Variants in VPS50 observed in about 807,000 individuals in gnomAD.
VPS50 encodes syndetin.
VPS50 carries 70 observed loss-of-function variants against 139.7 expected under a neutral mutation model. That is an observed-to-expected ratio of 0.50 (90% CI 0.41 to 0.61). The LOEUF (loss-of-function observed/expected upper bound fraction) is 0.61, where lower values mean the gene tolerates loss of function less well. VPS50 is among the 20% of genes least tolerant of loss of function. The probability of loss-of-function intolerance (pLI) is 0.00; values close to 1 mark genes in which losing one functional copy is unlikely to be tolerated. For synonymous variants in VPS50, 365 were observed against 376.7 expected, an observed-to-expected ratio of 0.97 and a Z score of 0.36; for missense variants, 921 against 1,133.7, an observed-to-expected ratio of 0.81 and a Z score of 2.69.
Position 93,311,264 on chromosome 7 carries a change from G to T in VPS50, c.1847G>T (p.Arg616Ile). Residue 616 changes from arginine to isoleucine, a missense_variant, in exon 20 of 28, where the codon AGA becomes ATA. Arg to Ile is a moderately conservative substitution (Grantham distance 97, BLOSUM62 -3). This residue lies in a region of VPS50 where 744 missense variants were observed against 930.6 expected (regional missense o/e 0.80). Transcript: ENST00000305866. The stretch of plus-strand genomic sequence containing the variant: ...ACAAATACAACATTGAACGTCATAA[G>T]ACTTGTTGGTAAGTAGCTACACCTT... ...ILTNTTLNVI[R>I]LVGKYMQMMN... The T allele has an allele frequency of 8.6e-7, 1 of 1,157,652 alleles. No individual in the cohort carries two copies. The highest frequency in any genetic ancestry group is 1.3e-6 in the Non-Finnish European group (1 of 765,040). 71.7% of individuals were successfully genotyped at this position (1,157,652 alleles called of 1,614,324 possible). A position where few individuals can be genotyped will look rare whatever the true frequency, so the allele number is the denominator to read the frequency against.
chr7:93,326,324 C>A, intron 21 of VPS50, among the ~76,000 whole-genome samples: 1 of 144,058 alleles, frequency 6.9e-6, no homozygotes, highest in Non-Finnish European at 1.5e-5. Context: ...GGAGGGATAG[C>A]ATTAGGAGAT....
intron 12 of VPS50, among the ~76,000 whole-genome samples, chr7:93,284,986 T>C (rs898768588): frequency 6.6e-6 from 1 of 152,210 alleles, no homozygotes; most frequent in African/African-American, 2.4e-5. Flanking sequence ...GACACTTCCA[T>C]AGGTCCAGAG....
At chr7:93,249,372 G>A (rs1420697255) in intron 2 of VPS50, among the ~76,000 whole-genome samples, 1 of 151,896 alleles carries the variant, frequency 6.6e-6, no homozygotes, top group African/African-American at 2.4e-5. Context: ...AAAAAAACTA[G>A]GCATGAAGAG....
At chr7:93,313,845 A>G (rs995025710) in intron 20 of VPS50, among the ~76,000 whole-genome samples, 1 of 152,196 alleles carries the variant, frequency 6.6e-6, no homozygotes, top group African/African-American at 2.4e-5. Context: ...AGCTTTCTCC[A>G]CTACCATATC....
chr7:93,314,112 A>G (rs2116997284), intron 20 of VPS50, among the ~76,000 whole-genome samples: 1 of 152,254 alleles, frequency 6.6e-6, no homozygotes, highest in South Asian at 2.1e-4. Context: ...CGCTGTTGTT[A>G]TTGCATAGAA....
intron 18 of VPS50, among the ~76,000 whole-genome samples, chr7:93,306,683 A>G (rs886098406): frequency 6.6e-6 from 1 of 151,888 alleles, no homozygotes; most frequent in African/African-American, 2.4e-5. Flanking sequence ...CAGTTCCTGC[A>G]TGGTGTTTTC....
intron 12 of VPS50, among the ~76,000 whole-genome samples, chr7:93,276,859 G>A (rs1796170736): frequency 6.6e-6 from 1 of 152,142 alleles, no homozygotes; most frequent in Non-Finnish European, 1.5e-5. Flanking sequence ...TTGGGAGAAT[G>A]GTAGTGCCAT....
chr7:93,323,767 T>G (rs922051911), intron 21 of VPS50, 35 bp downstream of exon 21: 1 of 1,201,010 alleles, frequency 8.3e-7, no homozygotes, highest in Middle Eastern at 2.4e-4. Flanking sequence ...AAATCTTTCT[T>G]TTAAAATTTA....
At chr7:93,248,784 T>G (rs1331579041) in intron 2 of VPS50, among the ~76,000 whole-genome samples, 1 of 152,094 alleles carries the variant, frequency 6.6e-6, no homozygotes, top group Non-Finnish European at 1.5e-5. Flanking sequence ...TGGACAATGA[T>G]TAGGTAGAAG....
At chr7:93,331,374 C>G (rs1368389769) in intron 21 of VPS50, among the ~76,000 whole-genome samples, 10 of 151,870 alleles carry the variant, frequency 6.6e-5, no homozygotes, top group Non-Finnish European at 1.5e-4. Flanking sequence ...TACTCCAGAG[C>G]TACAGTAGTT....
intron 2 of VPS50, among the ~76,000 whole-genome samples, chr7:93,249,994 C>G (rs1366766694): frequency 1.3e-5 from 2 of 151,844 alleles, no homozygotes; most frequent in East Asian, 1.9e-4. Context: ...GAATGTAGTT[C>G]CCACTGTTGG....
intron 2 of VPS50, among the ~76,000 whole-genome samples, chr7:93,249,718 C>T (rs1388701866): frequency 6.6e-6 from 1 of 152,116 alleles, no homozygotes; most frequent in Non-Finnish European, 1.5e-5. Context: ...TCATTTCCTC[C>T]CCTCCCTCAG....
chr7:93,266,949 G>A (rs1161438118), intron 9 of VPS50, among the ~76,000 whole-genome samples: 5 of 152,056 alleles, frequency 3.3e-5, no homozygotes, highest in African/African-American at 1.2e-4. Context: ...AGATTTTTAT[G>A]TTTGTAGTCT....
chr7:93,352,712 A>G (rs1798593204), intron 25 of VPS50, among the ~76,000 whole-genome samples: 1 of 152,214 alleles, frequency 6.6e-6, no homozygotes, highest in Non-Finnish European at 1.5e-5. Flanking sequence ...ATTGAAGGCT[A>G]AACCTTCTGC....
chr7:93,350,142 G>A (rs1584496564), intron 25 of VPS50, 109 bp downstream of exon 25: 1 of 664,918 alleles, frequency 1.5e-6, no homozygotes, highest in East Asian at 3.0e-5. Flanking sequence ...CACATTTCTA[G>A]CATTGTGGTA....
In VPS50 at chr7:93,296,602, A is replaced by G. The variant is rs184257833; in HGVS notation, c.1168-140A>G. 27 of 1,406,872 alleles carry G rather than the reference A, an allele frequency of 1.9e-5. No homozygotes were observed. In the East Asian group the frequency reaches 6.2e-4, roughly 32 times the overall value. The allele number at this position is 1,406,872 out of a possible 1,614,324, so 87.1% of individuals were successfully genotyped here. On this transcript the variant is annotated intron_variant, in intron 14 of 27. Transcript: ENST00000305866. ...ATTACATCCCTTAAGGATGTTGGCT[A>G]TTGGCCTAAATAGATATTCGTTAAC...
intron 12 of VPS50, among the ~76,000 whole-genome samples, chr7:93,288,270 A>C (rs140324497): frequency 6.6e-6 from 1 of 152,144 alleles, no homozygotes; most frequent in East Asian, 1.9e-4. Context: ...AGACTGGCTC[A>C]TTGTAAGGGT....
At chr7:93,273,068 C>T (rs1263911014) in intron 11 of VPS50, 3 of 156,232 alleles carry the variant, frequency 1.9e-5, no homozygotes, top group African/African-American at 7.2e-5. Context: ...GGTTCTGAAA[C>T]AGGACTTCCT....
intron 12 of VPS50, among the ~76,000 whole-genome samples, chr7:93,288,972 A>AT (rs909392260): frequency 2.3e-4 from 34 of 147,922 alleles, no homozygotes; most frequent in Admixed American, 1.6e-3. Flanking sequence ...CAAACAGTAC[A>AT]TTTTTTTTTT....
Sources: gnomAD v4.1 joint callset for allele counts (sites outside exome capture counted in the v4.1 genomes callset) on GRCh38, gnomAD v4.1.1 for gene constraint, gnomAD v4.1.1 regional missense constraint, MANE v1.5 for transcripts, NCBI Gene and HGNC (gene_info 2026-07-23, HGNC 2026-07-21) for gene names.